XKR9: variants seen among roughly 807,000 people sequenced by gnomAD.
The protein encoded by XKR9 is XK related 9, also known as XK-related protein 9.
A neutral mutation model predicts 32.0 loss-of-function variants in XKR9; 32 were observed. The observed-to-expected ratio is 1.00, with a 90% CI of 0.76 to 1.34. The LOEUF is 1.34. Ranked by LOEUF, XKR9 falls within the 40% of genes most tolerant of loss-of-function variation. The pLI is 0.00. For missense variants in XKR9, 546 were observed against 429.7 expected (o/e 1.27, Z -2.39); for synonymous variants, 168 against 143.4 (o/e 1.17, Z -1.22).
At chr8:70,789,067 TACATC>T (rs1563481230) in intron 2 of XKR9, among the ~76,000 whole-genome samples, 3 of 152,082 alleles carry the variant, frequency 2.0e-5, no homozygotes, top group Admixed American at 6.6e-5. Flanking sequence ...CAAACTAATT[TACATC>T]ACCAGTGATC....
At chr8:70,831,277 C>G in the XKR9 span, among the ~76,000 whole-genome samples, 115 of 134,104 alleles carry the variant, frequency 8.6e-4, no homozygotes, top group African/African-American at 3.2e-3. Flanking sequence ...GGTGACAGAG[C>G]TAGACTCTGT....
the XKR9 span, among the ~76,000 whole-genome samples, chr8:70,954,781 C>T: frequency 0.32 from 48,361 of 152,102 alleles, 9,034 homozygotes; most frequent in Non-Finnish European, 0.43. Context: ...AATCCTCACA[C>T]ATTTGTAGGC....
At chr8:70,837,975 C>G in the XKR9 span, among the ~76,000 whole-genome samples, 1 of 152,040 alleles carries the variant, frequency 6.6e-6, no homozygotes, top group East Asian at 1.9e-4. Flanking sequence ...AAATCTCTTT[C>G]TACTTAAGGC....
At position 70,702,499 on chromosome 8, in the gene XKR9, T is replaced by C. The variant is rs560824168; in HGVS notation, c.273-4434T>C. The stretch of plus-strand genomic sequence containing the variant: ...TATTGATATTTTTAAGGTCTCCTTT[T>C]CCTTTCAATTACTGAGAGGTGATAA... On this transcript the variant is annotated intron_variant, in intron 3 of 4. Transcript: ENST00000408926. Among the ~76,000 whole-genome samples, 185 of 152,308 alleles carry C rather than the reference T, an allele frequency of 1.2e-3. 3 individuals are homozygous for C. Among genetic ancestry groups the C allele is most frequent in the Admixed American group, 3.1e-3 (48 of 15,298 alleles).
chr8:70,990,760 AGAGAGAGAAAG>A, the XKR9 span, among the ~76,000 whole-genome samples: 1 of 151,610 alleles, frequency 6.6e-6, no homozygotes, highest in Non-Finnish European at 1.5e-5. Flanking sequence ...AGAGAGAGAG[AGAGAGAGAAAG>A]AGAGAGAGAG....
chr8:70,946,702 A>C, the XKR9 span, among the ~76,000 whole-genome samples: 2 of 152,130 alleles, frequency 1.3e-5, no homozygotes, highest in Non-Finnish European at 2.9e-5. Context: ...TTGAGTACAA[A>C]ACCTCTGTGA....
chr8:70,690,876 G>T (rs1013432468), intron 3 of XKR9, among the ~76,000 whole-genome samples: 1 of 152,094 alleles, frequency 6.6e-6, no homozygotes, highest in Non-Finnish European at 1.5e-5. Context: ...GAACAGTGCT[G>T]CAATGAACAC....
At chr8:70,838,064 T>G in the XKR9 span, among the ~76,000 whole-genome samples, 1 of 152,066 alleles carries the variant, frequency 6.6e-6, no homozygotes, top group Non-Finnish European at 1.5e-5. Context: ...TTTTGTTCCT[T>G]TATTGAGGAC....
chr8:70,689,750 G>A (rs998527715), intron 3 of XKR9, among the ~76,000 whole-genome samples: 21 of 151,928 alleles, frequency 1.4e-4, no homozygotes, highest in Non-Finnish European at 2.5e-4. Context: ...ACTTATTTTG[G>A]GTGAAGAGAC....
the XKR9 span, among the ~76,000 whole-genome samples, chr8:70,943,340 G>T: frequency 1.3e-5 from 2 of 152,052 alleles, no homozygotes; most frequent in Admixed American, 6.6e-5. Context: ...GACTAATAAG[G>T]CTTTTTGGCT....
At chr8:70,833,470 G>A in the XKR9 span, among the ~76,000 whole-genome samples, 1 of 152,048 alleles carries the variant, frequency 6.6e-6, no homozygotes, top group Admixed American at 6.6e-5. Context: ...GAAAGGTAAA[G>A]TATATGTAGA....
At chr8:70,993,139 A>G in the XKR9 span, among the ~76,000 whole-genome samples, 1 of 151,962 alleles carries the variant, frequency 6.6e-6, no homozygotes, top group Non-Finnish European at 1.5e-5. Flanking sequence ...AAAGGCTGAG[A>G]GTAAATCCTG....
At chr8:71,002,041 A>G in the XKR9 span, among the ~76,000 whole-genome samples, 122 of 152,284 alleles carry the variant, frequency 8.0e-4, no homozygotes, top group African/African-American at 2.8e-3. Context: ...AGAATGTTTC[A>G]TATGTTTAAG....
the XKR9 span, among the ~76,000 whole-genome samples, chr8:70,867,137 G>A: frequency 6.6e-6 from 1 of 152,190 alleles, no homozygotes; most frequent in East Asian, 1.9e-4. Flanking sequence ...AGCAGGCAAG[G>A]AGGAGCAAGT....
chr8:70,743,363 C>G (rs150430627), intron 2 of XKR9, among the ~76,000 whole-genome samples: 82 of 152,122 alleles, frequency 5.4e-4, no homozygotes, highest in South Asian at 1.0e-3. Flanking sequence ...CCACTAATTC[C>G]AATACCTGGG....
the XKR9 span, among the ~76,000 whole-genome samples, chr8:70,800,530 C>T: frequency 3.9e-5 from 6 of 152,054 alleles, no homozygotes; most frequent in Non-Finnish European, 4.4e-5. Context: ...CTGTCACCCA[C>T]GCTGGAGTGC....
chr8:70,706,094 G>T (rs1805708196), intron 3 of XKR9, among the ~76,000 whole-genome samples: 1 of 152,110 alleles, frequency 6.6e-6, no homozygotes, highest in Non-Finnish European at 1.5e-5. Context: ...GGTTGAAACA[G>T]GGCATATATC....
the XKR9 span, among the ~76,000 whole-genome samples, chr8:70,861,200 T>C: frequency 6.6e-6 from 1 of 152,100 alleles, no homozygotes; most frequent in Admixed American, 6.6e-5. Flanking sequence ...TTCACAGAGT[T>C]TTTTAAGAAC....
the XKR9 span, among the ~76,000 whole-genome samples, chr8:70,832,249 C>T: frequency 6.6e-6 from 1 of 152,062 alleles, no homozygotes; most frequent in African/African-American, 2.4e-5. Context: ...GCTCTCAAAC[C>T]CTCCTGGTCT....
Sources: allele counts gnomAD v4.1 joint callset (sites outside exome capture counted in the v4.1 genomes callset), GRCh38; gene constraint gnomAD v4.1.1; transcripts MANE v1.5; gene names NCBI Gene and HGNC (gene_info 2026-07-23, HGNC 2026-07-21).